Variants in STX8 observed in about 807,000 individuals in gnomAD.
STX8 encodes the protein syntaxin-8.
STX8 carries 23 observed loss-of-function variants against 37.5 expected under a neutral mutation model. That is an observed-to-expected ratio of 0.61 (90% CI 0.44 to 0.87). The LOEUF is 0.87. Ranked by LOEUF, STX8 falls within the 40% of genes least tolerant of loss-of-function variation. The probability of loss-of-function intolerance (pLI) is 0.00; values close to 1 mark genes in which losing one functional copy is unlikely to be tolerated. For synonymous variants in STX8, 115 were observed against 99.1 expected, an observed-to-expected ratio of 1.16 and a Z score of -0.95; for missense variants, 313 against 284.7, an observed-to-expected ratio of 1.10 and a Z score of -0.71.
rs1369724570 is a variant in STX8 at position 9,327,468 on chromosome 17, G to A, written c.643+51084C>T. ...GTCTATTTCTATGCTTAGGTTGGAT[G>A]TGAATGGACAGCTATGTAGAAATGT... On this transcript the variant is annotated intron_variant, in intron 7 of 7. Transcript: ENST00000306357. Among the ~76,000 whole-genome samples the A allele has an allele frequency of 2.6e-5, 4 of 152,130 alleles. No homozygotes were observed. In the East Asian group the frequency reaches 5.8e-4, roughly 22 times the overall value.
intron 2 of STX8, among the ~76,000 whole-genome samples, chr17:9,559,228 A>C (rs891085631): frequency 1.3e-5 from 2 of 152,224 alleles, no homozygotes; most frequent in Non-Finnish European, 2.9e-5. Context: ...AAAGATGGAA[A>C]GCCTAATTCA....
At chr17:9,369,379 C>G (rs1911331933) in intron 7 of STX8, among the ~76,000 whole-genome samples, 1 of 152,146 alleles carries the variant, frequency 6.6e-6, no homozygotes, top group Non-Finnish European at 1.5e-5. Context: ...GAAGTAAAAA[C>G]AATAGCCAGA....
intron 6 of STX8, among the ~76,000 whole-genome samples, chr17:9,463,572 C>T (rs886982787): frequency 6.6e-6 from 1 of 151,918 alleles, no homozygotes; most frequent in Admixed American, 6.6e-5. Context: ...GGAGACCAGC[C>T]AACTCCTGGT....
At chr17:9,481,366 A>G (rs1412727702) in intron 6 of STX8, among the ~76,000 whole-genome samples, 3 of 152,146 alleles carry the variant, frequency 2.0e-5, no homozygotes, top group Non-Finnish European at 4.4e-5. Context: ...AAATCATTCC[A>G]TATTTCCTTT....
At chr17:9,570,360 C>A (rs1240097649) in intron 1 of STX8, among the ~76,000 whole-genome samples, 6 of 151,962 alleles carry the variant, frequency 3.9e-5, no homozygotes, top group Non-Finnish European at 8.8e-5. Flanking sequence ...GAGAGAGGAT[C>A]CTGAACCACT....
At chr17:9,372,596 G>T (rs1019902803) in intron 7 of STX8, among the ~76,000 whole-genome samples, 1 of 151,718 alleles carries the variant, frequency 6.6e-6, no homozygotes, top group Non-Finnish European at 1.5e-5. Context: ...TCCTGCCTCA[G>T]CCTCCCAACT....
At chr17:9,288,519 G>A (rs966900604) in intron 7 of STX8, among the ~76,000 whole-genome samples, 6 of 151,980 alleles carry the variant, frequency 3.9e-5, no homozygotes, top group Middle Eastern at 3.4e-3. Context: ...AAAATTAGCC[G>A]GGCGTGGTGG....
At chr17:9,528,992 G>A (rs551882723) in intron 4 of STX8, among the ~76,000 whole-genome samples, 5 of 152,182 alleles carry the variant, frequency 3.3e-5, no homozygotes, top group African/African-American at 9.6e-5. Context: ...GAGTCATTAC[G>A]GGGGAAATAT....
chr17:9,379,719 A>G (rs1210516635), intron 6 of STX8, among the ~76,000 whole-genome samples: 2 of 152,188 alleles, frequency 1.3e-5, no homozygotes, highest in Non-Finnish European at 2.9e-5. Flanking sequence ...CTATAATCCC[A>G]GCACTTTGGG....
chr17:9,313,733 C>A (rs1275268300), intron 7 of STX8, among the ~76,000 whole-genome samples: 2 of 152,184 alleles, frequency 1.3e-5, no homozygotes, highest in Non-Finnish European at 2.9e-5. Context: ...TGGGTTCAAG[C>A]GATTCTTATG....
At chr17:9,347,349 AAGT>A (rs1910567481) in intron 7 of STX8, among the ~76,000 whole-genome samples, 1 of 152,142 alleles carries the variant, frequency 6.6e-6, no homozygotes, top group Non-Finnish European at 1.5e-5. Flanking sequence ...TCTTTATGAA[AAGT>A]AGTACTTGTT....
intron 7 of STX8, among the ~76,000 whole-genome samples, chr17:9,348,596 A>G (rs1390846066): frequency 6.6e-6 from 1 of 152,172 alleles, no homozygotes; most frequent in Non-Finnish European, 1.5e-5. Context: ...CTTTCAATGA[A>G]TCCAATTCAA....
intron 6 of STX8, among the ~76,000 whole-genome samples, chr17:9,438,839 G>A (rs1348092255): frequency 6.6e-6 from 1 of 152,062 alleles, no homozygotes; most frequent in South Asian, 2.1e-4. Flanking sequence ...TGAGGCAGGA[G>A]AACAGCATGA....
In STX8 at chr17:9,425,280, T is replaced by A. The variant is rs144100028; in HGVS notation, c.542-46627A>T. 7.3e-4 allele frequency among the ~76,000 whole-genome samples: 111 copies of A among 152,236 alleles called. 4 individuals are homozygous for A. In the East Asian group the frequency reaches 0.017, roughly 24 times the overall value. On this transcript the variant is annotated intron_variant, in intron 6 of 7. Coordinates refer to ENST00000306357, the MANE Select transcript of STX8 (RefSeq NM_004853.3). ...ATCGTTCAACAAAATCTCAGTAACG[T>A]CACAAAAATCTCAATACTTCAGATT...
chr17:9,480,791 T>C (rs1175647450), intron 6 of STX8, among the ~76,000 whole-genome samples: 1 of 152,206 alleles, frequency 6.6e-6, no homozygotes, highest in Non-Finnish European at 1.5e-5. Flanking sequence ...CACAGCCACG[T>C]AGAGAAAACC....
intron 6 of STX8, among the ~76,000 whole-genome samples, chr17:9,395,540 T>C (rs1912370423): frequency 6.6e-6 from 1 of 152,128 alleles, no homozygotes; most frequent in African/African-American, 2.4e-5. Flanking sequence ...ATCGCACCAC[T>C]GCACTCCAGC....
chr17:9,289,600 C>T (rs1313263931), intron 7 of STX8, among the ~76,000 whole-genome samples: 1 of 148,170 alleles, frequency 6.7e-6, no homozygotes, highest in Non-Finnish European at 1.5e-5. Context: ...CATGGTGAAA[C>T]CCCATCTCTA....
intron 5 of STX8, among the ~76,000 whole-genome samples, chr17:9,493,293 A>T (rs550236410): frequency 5.3e-5 from 8 of 152,316 alleles, no homozygotes; most frequent in Non-Finnish European, 1.2e-4. Context: ...AAAATTTTTT[A>T]AAAAAGAAAA....
chr17:9,549,990 G>A (rs913825941), intron 3 of STX8, among the ~76,000 whole-genome samples: 5 of 152,188 alleles, frequency 3.3e-5, no homozygotes, highest in Non-Finnish European at 7.3e-5. Context: ...TTGGAAGGCT[G>A]AGGCAGGCGG....
Sources: gnomAD v4.1 joint callset for allele counts (sites outside exome capture counted in the v4.1 genomes callset) on GRCh38, gnomAD v4.1.1 for gene constraint, MANE v1.5 for transcripts, NCBI Gene and HGNC (gene_info 2026-07-23, HGNC 2026-07-21) for gene names.